The following SGSM2 variants were observed in gnomAD, a reference collection of about 807,000 sequenced individuals.
SGSM2 encodes the protein RUN and TBC1 domain containing 1.
A neutral mutation model predicts 126.6 loss-of-function variants in SGSM2; 89 were observed. The observed-to-expected ratio is 0.70, with a 90% CI of 0.59 to 0.84. The LOEUF is 0.84. Among genes scored for constraint, SGSM2 ranks in the 40% least tolerant of loss-of-function variants. The pLI, the probability that SGSM2 is intolerant of heterozygous loss-of-function variation, is 0.00. For missense variants in SGSM2, 1,404 were observed against 1,416.6 expected (o/e 0.99, Z 0.14); for synonymous variants, 614 against 574.3 (o/e 1.07, Z -0.99).
At position 2,380,428 on chromosome 17, in the gene SGSM2, TATCTGTCGCAGAC is replaced by T; in HGVS notation, c.*914_*926del. The T allele has an allele frequency of 1.1e-6, 1 of 908,478 alleles. No homozygotes were observed. The highest frequency in any genetic ancestry group is 1.7e-6 in the Non-Finnish European group (1 of 582,642). 56.3% of individuals were successfully genotyped at this position (908,478 alleles called of 1,614,324 possible). On this transcript the variant is annotated 3_prime_UTR_variant, in exon 24 of 24. Coordinates refer to ENST00000268989, the MANE Select transcript of SGSM2 (RefSeq NM_014853.3). Reference sequence around the variant, plus strand: ...AGGCCTCAGTTCGAGGGCAGCCCATTATCTGTCGCAGACATCTGCCATGTCCCTGAGACTGCGG... The same window carrying T: ...AGGCCTCAGTTCGAGGGCAGCCCATTATCTGCCATGTCCCTGAGACTGCGG...
rs749992489 is a variant in SGSM2, at chr17:2,379,514, C to G, written c.3150C>G (p.Asn1050Lys). Residue 1050 changes from asparagine to lysine, a missense_variant, in exon 24 of 24, where the codon AAC becomes AAG. Transcript: ENST00000268989. ...LVHKVQMLIENK is the reference protein window; with the variant it reads ...LVHKVQMLIEKK Reference sequence around the variant, plus strand: ...ACAAGGTGCAGATGCTCATAGAGAACAAGTGAGCTGGGGCCAGGAGGCAGC... The same window carrying G: ...ACAAGGTGCAGATGCTCATAGAGAAGAAGTGAGCTGGGGCCAGGAGGCAGC... 3 of 1,611,756 alleles carry G rather than the reference C, an allele frequency of 1.9e-6. No individual in the cohort carries two copies. In the East Asian group the frequency reaches 6.7e-5, roughly 36 times the overall value.
intron 2 of SGSM2, among the ~76,000 whole-genome samples, chr17:2,359,562 C>T (rs2065226213): frequency 1.3e-5 from 2 of 152,138 alleles, no homozygotes; most frequent in African/African-American, 4.8e-5. Flanking sequence ...TGGCTTCTCT[C>T]AGTATTCCTT....
In SGSM2 at chr17:2,379,151, G is replaced by T; in HGVS notation, c.3015G>T (p.Glu1005Asp). ...IALALVEAYR[E>D]IIRDNNMDFT... ...TCGCCCTGGTGGAGGCCTACCGAGA[G>T]ATCATCCGTGACAACAACATGGACT... is the stretch of plus-strand genomic sequence containing the variant. Residue 1005 changes from glutamate to aspartate, a missense_variant, in exon 23 of 24, where the codon GAG becomes GAT. Coordinates refer to ENST00000268989, the MANE Select transcript of SGSM2 (RefSeq NM_014853.3). The T allele has an allele frequency of 6.2e-7, 1 of 1,614,166 alleles. No individual in the cohort carries two copies. Among genetic ancestry groups the T allele is most frequent in the Non-Finnish European group, 8.5e-7 (1 of 1,180,012 alleles).
At chr17:2,375,926 A>G (rs2066121353) in intron 18 of SGSM2, 51 bp downstream of exon 18, 1 of 1,509,972 alleles carries the variant, frequency 6.6e-7, no homozygotes, top group African/African-American at 1.4e-5. Context: ...GGCCCTCCTG[A>G]CATCCCAGAG....
chr17:2,338,251 C>T (rs1488558769), intron 1 of SGSM2, among the ~76,000 whole-genome samples: 3 of 152,166 alleles, frequency 2.0e-5, no homozygotes, highest in Non-Finnish European at 2.9e-5. Flanking sequence ...GAGGGGTGCG[C>T]CGCACACCTC....
intron 20 of SGSM2, 25 bp downstream of exon 20, chr17:2,376,840 T>C: frequency 3.1e-6 from 5 of 1,613,724 alleles, no homozygotes; most frequent in South Asian, 1.1e-5. Flanking sequence ...GACATGGGAC[T>C]GGGCTGCGTA....
At position 2,372,697 on chromosome 17, in the gene SGSM2, G is replaced by T; in HGVS notation, c.1788+209G>T. The T allele has an allele frequency of 1.2e-6, 1 of 817,190 alleles. No homozygotes were observed. The highest frequency in any genetic ancestry group is 1.9e-6 in the Non-Finnish European group (1 of 520,452). 50.6% of individuals were successfully genotyped at this position (817,190 alleles called of 1,614,324 possible). A position where few individuals can be genotyped will look rare whatever the true frequency, so the allele number is the denominator to read the frequency against. On this transcript the variant is annotated intron_variant, in intron 15 of 23. Transcript: ENST00000268989. This position sits in a 1 kb window ranked among gnomAD's most constrained non-coding sequence, Gnocchi z 6.0. ...TGGGAAGCCGTCCTGCCTCCACATC[G>T]CCCTGTGACCCTGGACAAAGCTTTG...
chr17:2,369,872 G>A (rs965875353), intron 12 of SGSM2, among the ~76,000 whole-genome samples: 1 of 152,120 alleles, frequency 6.6e-6, no homozygotes, highest in African/African-American at 2.4e-5. Context: ...GGCATGGCTT[G>A]CAACGCCCTC....
At chr17:2,370,931 T>TTTC (rs1428502289) in intron 12 of SGSM2, among the ~76,000 whole-genome samples, 6 of 152,254 alleles carry the variant, frequency 3.9e-5, no homozygotes, top group African/African-American at 7.2e-5. Flanking sequence ...GTTCCTTCTC[T>TTTC]TTCTTTCCCT....
chr17:2,379,667 C>T lies in SGSM2; in HGVS notation c.*147C>T. The stretch of plus-strand genomic sequence containing the variant: ...TTGTGAGCCTGGATCCGACTCCCGG[C>T]AGTGCTGACCCTGCAGGGCAAGTCA... On this transcript the variant is annotated 3_prime_UTR_variant, in exon 24 of 24. Transcript: ENST00000268989. 2.1e-6 allele frequency: 3 copies of T among 1,448,312 alleles called. No homozygotes were observed. Among genetic ancestry groups the T allele is most frequent in the Non-Finnish European group, 2.7e-6 (3 of 1,097,134 alleles). 89.7% of individuals were successfully genotyped at this position (1,448,312 alleles called of 1,614,324 possible).
chr17:2,343,882 G>T (rs182221495), intron 2 of SGSM2, among the ~76,000 whole-genome samples: 189 of 152,288 alleles, frequency 1.2e-3, no homozygotes, highest in African/African-American at 4.1e-3. Flanking sequence ...TCACCTGAAG[G>T]GCTTGGTAGA....
chr17:2,374,921 C>T (rs1219285827), intron 17 of SGSM2: 1 of 152,282 alleles, frequency 6.6e-6, no homozygotes, highest in Non-Finnish European at 1.5e-5. Context: ...GTGCCTTGTC[C>T]ATGGTGGTGG....
At chr17:2,378,162 T>C (rs1289252428) in intron 22 of SGSM2, among the ~76,000 whole-genome samples, 1 of 152,226 alleles carries the variant, frequency 6.6e-6, no homozygotes, top group Non-Finnish European at 1.5e-5. Context: ...CCAGACACAG[T>C]GGCTCACGCC....
rs748342664 is a variant in SGSM2 at position 2,372,296 on chromosome 17, G to A, written c.1642+42G>A. On this transcript the variant is annotated intron_variant, in intron 14 of 23. Coordinates refer to ENST00000268989, the MANE Select transcript of SGSM2 (RefSeq NM_014853.3). The surrounding 1 kb of genome is among the most constrained non-coding windows in gnomAD (Gnocchi z 6.0). ...CCGGGCTGTGGCGGGCTGGGGGCGG[G>A]CGGCCCTGGGTCCCAGCCTCCTGCT... 3.7e-6 allele frequency: 6 copies of A among 1,611,024 alleles called. No homozygotes were observed. The highest frequency in any genetic ancestry group is 4.2e-6 in the Non-Finnish European group (5 of 1,178,832).
chr17:2,340,640 C>A (rs150377492), intron 1 of SGSM2, among the ~76,000 whole-genome samples: 2,197 of 150,576 alleles, frequency 0.015, 45 homozygotes, highest in South Asian at 0.065. Context: ...GCTGGAGTGC[C>A]GTGGCGCCAT....
At position 2,343,560 on chromosome 17, in the gene SGSM2, G is replaced by A. The variant is rs1440021075; in HGVS notation, c.73G>A (p.Glu25Lys). Residue 25 changes from glutamate (E) to lysine (K), a missense_variant, in exon 2 of 24, where the codon GAG becomes AAG. By Grantham distance (56) the Glu-to-Lys change is moderately conservative (BLOSUM62 1). Coordinates refer to ENST00000268989, the MANE Select transcript of SGSM2 (RefSeq NM_014853.3). ...NVKKEVKQIM[E>K]EAVTRKFVHE... ...GTGTCCGCAGGTGAAGCAAATCATG[G>A]AGGAGGCTGTCACCAGGAAGTTTGT... is the stretch of plus-strand genomic sequence containing the variant. 2.5e-6 allele frequency: 4 copies of A among 1,614,206 alleles called. No homozygotes were observed. The highest frequency in any genetic ancestry group is 3.4e-6 in the Non-Finnish European group (4 of 1,180,038).
chr17:2,361,254 G>A lies in SGSM2; in HGVS notation c.134-383G>A, dbSNP rs181681132. On this transcript the variant is annotated intron_variant, in intron 2 of 23. Transcript: ENST00000268989. ...CTGTTCCTTAGCAACCGCATCCTCCGTGCCCTCCAGAAAGGCTCCCGAGTC... is the reference window on the plus strand; with the variant it reads ...CTGTTCCTTAGCAACCGCATCCTCCATGCCCTCCAGAAAGGCTCCCGAGTC... Among the ~76,000 whole-genome samples the A allele has an allele frequency of 1.6e-3, 237 of 152,246 alleles. 1 individual carries two copies. Among genetic ancestry groups the A allele is most frequent in the African/African-American group, 5.3e-3 (219 of 41,558 alleles).
At chr17:2,364,266 G>A in intron 8 of SGSM2, 83 bp downstream of exon 8, 3 of 1,535,808 alleles carry the variant, frequency 2.0e-6, no homozygotes, top group Non-Finnish European at 1.8e-6. Flanking sequence ...AACCCCGCTT[G>A]CTCCAGGAGG....
At chr17:2,375,915 A>G in intron 18 of SGSM2, 40 bp downstream of exon 18, 1 of 1,508,932 alleles carries the variant, frequency 6.6e-7, no homozygotes, top group Non-Finnish European at 8.8e-7. Context: ...GCCGCCCCAG[A>G]GGCCCTCCTG....
Sources: allele counts gnomAD v4.1 joint callset (sites outside exome capture counted in the v4.1 genomes callset), GRCh38; gene constraint gnomAD v4.1.1; non-coding constraint Gnocchi (gnomAD v3.1); transcripts MANE v1.5; gene names NCBI Gene and HGNC (gene_info 2026-07-23, HGNC 2026-07-21).